The following ADGRE5 variants were observed in gnomAD, a reference collection of about 807,000 sequenced individuals.
ADGRE5 encodes the protein CD97 molecule.
In ADGRE5, 72 loss-of-function variants were observed where a neutral mutation model predicts 100.3. That is an observed-to-expected ratio of 0.72 (90% CI 0.59 to 0.87). The LOEUF is 0.87. ADGRE5 is among the 40% of genes least tolerant of loss of function. ADGRE5 has a pLI of 0.00. For synonymous variants in ADGRE5, 439 were observed against 447.8 expected, an observed-to-expected ratio of 0.98 and a Z score of 0.25; for missense variants, 959 against 1,094.7, an observed-to-expected ratio of 0.88 and a Z score of 1.75.
rs1488848252 is a variant in ADGRE5 at position 14,399,437 on chromosome 19, G to A, written c.897+1298G>A. ...AAATTAGCCGGGCGTAGTGGCGGGC[G>A]CCTGTAGTCCCAGCTACTTGGGAGG... On this transcript the variant is annotated intron_variant, in intron 9 of 19. Transcript: ENST00000242786. 6.0e-5 allele frequency among the ~76,000 whole-genome samples: 9 copies of A among 150,732 alleles called. No homozygotes were observed. In the East Asian group the frequency reaches 1.2e-3, roughly 20 times the overall value.
In ADGRE5 at chr19:14,388,784, T is replaced by G. The variant is rs758170870; in HGVS notation, c.156T>G (p.Ser52=). Residue 52 remains serine (S), a synonymous_variant, in exon 3 of 20, where the codon TCT becomes TCG. Transcript: ENST00000242786. ...GCAATCCAGGGTTCAGCTCTTTTTCTGAGATCATCACCACCCCGACGGAGA... is the reference window on the plus strand; with the variant it reads ...GCAATCCAGGGTTCAGCTCTTTTTCGGAGATCATCACCACCCCGACGGAGA... ...CRCNPGFSSF[S]EIITTPTETC... The G allele has an allele frequency of 3.1e-6, 5 of 1,613,818 alleles. No homozygotes were observed. The South Asian group carries it at 4.4e-5, about 14-fold the overall frequency.
rs1214910761 is a variant in ADGRE5, at chr19:14,401,747, A to C, written c.1170A>C (p.Gly390=). The change falls in exon 11 of 20, where the codon GGA becomes GGC. Residue 390 remains glycine, a synonymous_variant. Coordinates refer to ENST00000242786, the MANE Select transcript of ADGRE5 (RefSeq NM_078481.4). This position sits in a 1 kb window ranked among gnomAD's most constrained non-coding sequence, Gnocchi z 4.1. The stretch of plus-strand genomic sequence containing the variant: ...AGCTGAATTGGGCTGTGGCAGCTGG[A>C]GCCGAGGATCCAGGTAGCAGCGGTG... The part of the protein sequence containing the change: ...RMKLNWAVAA[G]AEDPGPAVAG... The C allele has an allele frequency of 6.4e-7, 1 of 1,555,782 alleles. No individual in the cohort carries two copies. The highest frequency in any genetic ancestry group is 8.7e-7 in the Non-Finnish European group (1 of 1,152,690).
At chr19:14,402,048 T>C (rs1433567383) in intron 11 of ADGRE5, among the ~76,000 whole-genome samples, 1 of 151,790 alleles carries the variant, frequency 6.6e-6, no homozygotes, top group Non-Finnish European at 1.5e-5. Flanking sequence ...AGAGGATCAA[T>C]TGAGCCCGGG....
Position 14,388,839 on chromosome 19 carries a change from C to A in ADGRE5, c.190+21C>A, listed in dbSNP as rs767899339. 2.5e-6 allele frequency: 4 copies of A among 1,604,648 alleles called. No homozygotes were observed. In the East Asian group the frequency reaches 8.9e-5, roughly 36 times the overall value. On this transcript the variant is annotated intron_variant, in intron 3 of 19. Coordinates refer to ENST00000242786, the MANE Select transcript of ADGRE5 (RefSeq NM_078481.4). ...TGACGGTACAGAGGCTTGAGGGCAG[C>A]GCAGGGGACATCCGCGATTATGAGG...
chr19:14,384,685 A>C (rs1477422396), intron 1 of ADGRE5, among the ~76,000 whole-genome samples: 1 of 145,886 alleles, frequency 6.9e-6, no homozygotes. Context: ...TTTCTTCCTC[A>C]CTGTTTATCT....
intron 9 of ADGRE5, 195 bp downstream of exon 9, chr19:14,398,334 A>T: frequency 1.7e-6 from 1 of 594,962 alleles, no homozygotes; most frequent in Non-Finnish European, 3.0e-6. Flanking sequence ...GCATGCACAC[A>T]CACACACCAG....
chr19:14,404,787 C>A (rs2146374419), intron 13 of ADGRE5: 1 of 516,980 alleles, frequency 1.9e-6, no homozygotes, highest in Non-Finnish European at 3.4e-6. Flanking sequence ...CGCTCCTCTG[C>A]CTGTCCATCC....
intron 1 of ADGRE5, among the ~76,000 whole-genome samples, chr19:14,385,666 G>A (rs1047411926): frequency 2.0e-5 from 3 of 152,154 alleles, no homozygotes; most frequent in Non-Finnish European, 2.9e-5. Context: ...AGGACAGACC[G>A]CCAGGGCCAG....
chr19:14,383,998 T>A (rs771533562), intron 1 of ADGRE5, among the ~76,000 whole-genome samples: 1 of 152,060 alleles, frequency 6.6e-6, no homozygotes, highest in African/African-American at 2.4e-5. Flanking sequence ...CTAGAGTGGT[T>A]CTGAGCTTTA....
chr19:14,408,178 G>C lies in ADGRE5; in HGVS notation c.*57G>C, dbSNP rs961227254. The C allele has an allele frequency of 6.3e-7, 1 of 1,582,198 alleles. No homozygotes were observed. The highest frequency in any genetic ancestry group is 2.3e-4 in the Middle Eastern group (1 of 4,412). On this transcript the variant is annotated 3_prime_UTR_variant, in exon 20 of 20. Coordinates refer to ENST00000242786, the MANE Select transcript of ADGRE5 (RefSeq NM_078481.4). ...CTGTGGCCACAGCAGCTTTGTACAC[G>C]AAGACCATCCATCCTCCCTTCGTCC... is the stretch of plus-strand genomic sequence containing the variant.
intron 9 of ADGRE5, among the ~76,000 whole-genome samples, chr19:14,400,171 C>T (rs532686091): frequency 7.9e-5 from 12 of 152,280 alleles, no homozygotes; most frequent in Admixed American, 5.2e-4. Context: ...AGGCGCCCAC[C>T]ACCACGCCCA....
At chr19:14,395,161 C>T (rs1414348282) in intron 4 of ADGRE5, among the ~76,000 whole-genome samples, 2 of 151,992 alleles carry the variant, frequency 1.3e-5, no homozygotes, top group Non-Finnish European at 2.9e-5. Flanking sequence ...ATTAGCCGGG[C>T]GCAGTGGCAC....
intron 18 of ADGRE5, 76 bp downstream of exon 18, chr19:14,407,305 G>A (rs949231744): frequency 1.6e-5 from 25 of 1,542,090 alleles, no homozygotes; most frequent in Non-Finnish European, 2.1e-5. Context: ...AGGATTGCTT[G>A]AGCCCAGAAG....
In ADGRE5 at chr19:14,408,181, G is replaced by C. The variant is rs1976365945; in HGVS notation, c.*60G>C. ...TGGCCACAGCAGCTTTGTACACGAA[G>C]ACCATCCATCCTCCCTTCGTCCACC... On this transcript the variant is annotated 3_prime_UTR_variant, in exon 20 of 20. Coordinates refer to ENST00000242786, the MANE Select transcript of ADGRE5 (RefSeq NM_078481.4). 9 of 1,577,264 alleles carry C rather than the reference G, an allele frequency of 5.7e-6. No homozygotes were observed. The highest frequency in any genetic ancestry group is 1.1e-5 in the South Asian group (1 of 89,506).
At chr19:14,389,804 T>C (rs1975531022) in intron 3 of ADGRE5, among the ~76,000 whole-genome samples, 4 of 148,724 alleles carry the variant, frequency 2.7e-5, no homozygotes, top group Non-Finnish European at 1.5e-5. Flanking sequence ...CATGGTGGCT[T>C]ACGCCTGTAA....
At chr19:14,402,405 A>G (rs1275066289) in intron 11 of ADGRE5, among the ~76,000 whole-genome samples, 192 bp from the exon 12 acceptor site, 1 of 151,818 alleles carries the variant, frequency 6.6e-6, no homozygotes. Flanking sequence ...ACTGCACTCC[A>G]GCCTGGGCGA....
intron 1 of ADGRE5, among the ~76,000 whole-genome samples, chr19:14,385,957 G>C (rs996732871): frequency 1.3e-5 from 2 of 151,792 alleles, no homozygotes; most frequent in African/African-American, 4.8e-5. Flanking sequence ...TTTCAGTAGA[G>C]AGGGGGTTTC....
intron 1 of ADGRE5, 31 bp downstream of exon 1, chr19:14,381,576 C>T (rs1218248773): frequency 2.5e-6 from 4 of 1,593,584 alleles, no homozygotes; most frequent in African/African-American, 1.4e-5. Context: ...CTGGGAGGGG[C>T]GAGGAAGCTC....
Position 14,406,858 on chromosome 19 carries a change from T to A in ADGRE5, c.2116-11T>A. 1 of 1,613,758 alleles carries A rather than the reference T, an allele frequency of 6.2e-7. No homozygotes were observed. The highest frequency in any genetic ancestry group is 8.5e-7 in the Non-Finnish European group (1 of 1,179,664). ...TCTCGCCCTCTAACCCACAATCTGC[T>A]CCCTGCCCAGTGCAATGCTGTCATT... is the stretch of plus-strand genomic sequence containing the variant. On this transcript the variant is annotated splice_polypyrimidine_tract_variant and intron_variant, in intron 16 of 19. Coordinates refer to ENST00000242786, the MANE Select transcript of ADGRE5 (RefSeq NM_078481.4). This position sits in a 1 kb window ranked among gnomAD's most constrained non-coding sequence, Gnocchi z 6.0.
Sources: gnomAD v4.1 joint callset for allele counts (sites outside exome capture counted in the v4.1 genomes callset) on GRCh38, gnomAD v4.1.1 for gene constraint, Gnocchi (gnomAD v3.1) non-coding constraint, MANE v1.5 for transcripts, NCBI Gene and HGNC (gene_info 2026-07-23, HGNC 2026-07-21) for gene names.